HS6ST3: variants seen among roughly 807,000 people sequenced by gnomAD.
The protein encoded by HS6ST3 is heparan-sulfate 6-O-sulfotransferase 3.
Under a neutral mutation model 36.7 loss-of-function variants are expected in HS6ST3, and 12 were observed. The ratio of observed to expected loss-of-function variants is 0.33; its 90% CI spans 0.21 to 0.53. HS6ST3 has a LOEUF of 0.53. HS6ST3 is among the 20% of genes least tolerant of loss of function. HS6ST3 has a pLI of 0.95. For missense variants in HS6ST3, 584 were observed against 640.9 expected (o/e 0.91, Z 0.96); for synonymous variants, 240 against 257.5 (o/e 0.93, Z 0.65).
chr13:96,527,747 TA>T lies in HS6ST3; in HGVS notation c.708-304736del, dbSNP rs567972674. ...TGAGGCAGGCACAAGATCAGTGTGT[TA>T]AAAAAAGTGTTTGTGGCTGGAGCAG... On this transcript the variant is annotated intron_variant, in intron 1 of 1. Transcript: ENST00000376705. Among the ~76,000 whole-genome samples, 36 of 152,188 alleles carry T rather than the reference TA, an allele frequency of 2.4e-4. No individual in the cohort carries two copies. The South Asian group carries it at 7.1e-3, about 30-fold the overall frequency.
intron 1 of HS6ST3, among the ~76,000 whole-genome samples, chr13:96,251,873 T>C (rs2054609638): frequency 6.6e-6 from 1 of 152,224 alleles, no homozygotes; most frequent in South Asian, 2.1e-4. Flanking sequence ...TATCCAATTT[T>C]CCTCCTGTTA....
intron 1 of HS6ST3, among the ~76,000 whole-genome samples, chr13:96,717,900 T>G (rs1442134404): frequency 2.6e-5 from 4 of 152,186 alleles, no homozygotes; most frequent in Admixed American, 2.6e-4. Flanking sequence ...ATATCTAAAA[T>G]AAAATATACT....
In HS6ST3 at chr13:96,538,033, A is replaced by G. The variant is rs557539158; in HGVS notation, c.708-294457A>G. 2.6e-5 allele frequency among the ~76,000 whole-genome samples: 4 copies of G among 152,356 alleles called. No individual in the cohort carries two copies. In the South Asian group the frequency reaches 6.2e-4, roughly 24 times the overall value. ...CAATGCCTGGCATATCTTGAAGGTT[A>G]TGCTTCACCTATAATGGATGCAAAT... is the stretch of plus-strand genomic sequence containing the variant. On this transcript the variant is annotated intron_variant, in intron 1 of 1. Coordinates refer to ENST00000376705, the MANE Select transcript of HS6ST3 (RefSeq NM_153456.4).
intron 1 of HS6ST3, among the ~76,000 whole-genome samples, chr13:96,550,252 G>A (rs913103975): frequency 6.6e-6 from 1 of 152,070 alleles, no homozygotes; most frequent in African/African-American, 2.4e-5. Flanking sequence ...TGAGTTCTCT[G>A]TCAGTTCGTG....
At chr13:96,136,797 A>G (rs2054004766) in intron 1 of HS6ST3, among the ~76,000 whole-genome samples, 1 of 151,262 alleles carries the variant, frequency 6.6e-6, no homozygotes, top group African/African-American at 2.4e-5. Flanking sequence ...GGATATTTGC[A>G]TTTGCAATGA....
intron 1 of HS6ST3, among the ~76,000 whole-genome samples, chr13:96,102,947 AC>A (rs1314696635): frequency 4.6e-5 from 7 of 152,202 alleles, no homozygotes; most frequent in Non-Finnish European, 1.0e-4. Flanking sequence ...CAGTGAGTAT[AC>A]TCTTGCAGGA....
At chr13:96,340,737 G>A (rs189936986) in intron 1 of HS6ST3, among the ~76,000 whole-genome samples, 3 of 152,318 alleles carry the variant, frequency 2.0e-5, no homozygotes, top group East Asian at 1.9e-4. Context: ...GATTTATAGC[G>A]TTCCCATCTC....
At chr13:96,254,996 A>C (rs1315095127) in intron 1 of HS6ST3, among the ~76,000 whole-genome samples, 2 of 152,214 alleles carry the variant, frequency 1.3e-5, no homozygotes, top group Non-Finnish European at 2.9e-5. Flanking sequence ...CATTTGTAAA[A>C]TGAACGCGTC....
chr13:96,740,447 A>G (rs1460963119), intron 1 of HS6ST3, among the ~76,000 whole-genome samples: 2 of 152,198 alleles, frequency 1.3e-5, no homozygotes, highest in Non-Finnish European at 2.9e-5. Flanking sequence ...CTTGTGTTAT[A>G]TATTTAAAAC....
At position 96,677,748 on chromosome 13, in the gene HS6ST3, T is replaced by C. The variant is rs569434342; in HGVS notation, c.708-154742T>C. 5.3e-5 allele frequency among the ~76,000 whole-genome samples: 8 copies of C among 152,260 alleles called. No individual in the cohort carries two copies. The South Asian group carries it at 6.2e-4, about 12-fold the overall frequency. Reference sequence around the variant, plus strand: ...TTATCTTATGACATTGTGTAGTAAATATTTGATTACATCTCTTTCTCTCCT... The same window carrying C: ...TTATCTTATGACATTGTGTAGTAAACATTTGATTACATCTCTTTCTCTCCT... On this transcript the variant is annotated intron_variant, in intron 1 of 1. Coordinates refer to ENST00000376705, the MANE Select transcript of HS6ST3 (RefSeq NM_153456.4).
At position 96,427,207 on chromosome 13, in the gene HS6ST3, T is replaced by A. The variant is rs367899163; in HGVS notation, c.707+335638T>A. 92 of 154,528 alleles carry A rather than the reference T, an allele frequency of 6.0e-4. 1 individual carries two copies. The East Asian group carries it at 0.015, about 25-fold the overall frequency. 9.6% of individuals were successfully genotyped at this position (154,528 alleles called of 1,614,324 possible). A position where few individuals can be genotyped will look rare whatever the true frequency, so the allele number is the denominator to read the frequency against. On this transcript the variant is annotated intron_variant, in intron 1 of 1. Coordinates refer to ENST00000376705, the MANE Select transcript of HS6ST3 (RefSeq NM_153456.4). The stretch of plus-strand genomic sequence containing the variant: ...CATTGGAATTAAATGGAGCTGGGTC[T>A]GAATTCCAGTCTATCACTTGTTATG...
At chr13:96,825,267 A>C (rs1878624678) in intron 1 of HS6ST3, among the ~76,000 whole-genome samples, 1 of 152,196 alleles carries the variant, frequency 6.6e-6, no homozygotes, top group South Asian at 2.1e-4. Flanking sequence ...CCTCATAAAC[A>C]TGAGTTTGTT....
chr13:96,139,449 T>TA (rs1313368292), intron 1 of HS6ST3, among the ~76,000 whole-genome samples: 2 of 137,454 alleles, frequency 1.5e-5, no homozygotes, highest in Non-Finnish European at 3.0e-5. Flanking sequence ...TGTAAGCGGG[T>TA]AAAAAATGGC....
intron 1 of HS6ST3, among the ~76,000 whole-genome samples, chr13:96,572,480 T>C (rs1390371906): frequency 6.6e-6 from 1 of 152,202 alleles, no homozygotes; most frequent in East Asian, 1.9e-4. Context: ...TAATTACAGA[T>C]AAATTATTCA....
At chr13:96,533,049 T>A (rs888899333) in intron 1 of HS6ST3, among the ~76,000 whole-genome samples, 3 of 152,228 alleles carry the variant, frequency 2.0e-5, no homozygotes, top group Non-Finnish European at 4.4e-5. Context: ...TAACATAAGA[T>A]GCATACTTAA....
At chr13:96,522,894 T>A (rs1400470379) in intron 1 of HS6ST3, among the ~76,000 whole-genome samples, 1 of 152,204 alleles carries the variant, frequency 6.6e-6, no homozygotes, top group Non-Finnish European at 1.5e-5. Context: ...GTGAATTTGA[T>A]CCTGTCATTA....
chr13:96,176,174 C>G (rs1394158430), intron 1 of HS6ST3, among the ~76,000 whole-genome samples: 1 of 152,080 alleles, frequency 6.6e-6, no homozygotes, highest in Non-Finnish European at 1.5e-5. Context: ...AATAACTTTG[C>G]TCAACCAAAA....
At chr13:96,543,229 A>G (rs1401042516) in intron 1 of HS6ST3, among the ~76,000 whole-genome samples, 4 of 152,160 alleles carry the variant, frequency 2.6e-5, no homozygotes, top group Admixed American at 2.6e-4. Flanking sequence ...TCAGTCTAGA[A>G]TAATCTCCTG....
At chr13:96,283,202 T>G (rs933744970) in intron 1 of HS6ST3, among the ~76,000 whole-genome samples, 1 of 152,210 alleles carries the variant, frequency 6.6e-6, no homozygotes, top group Non-Finnish European at 1.5e-5. Context: ...TTTGTATATT[T>G]GTTTCATTAT....
Sources: allele counts gnomAD v4.1 joint callset (sites outside exome capture counted in the v4.1 genomes callset), GRCh38; gene constraint gnomAD v4.1.1; transcripts MANE v1.5; gene names NCBI Gene and HGNC (gene_info 2026-07-23, HGNC 2026-07-21).